Variants in GPR176 observed in about 807,000 individuals in gnomAD.
The protein encoded by GPR176 is G protein-coupled receptor 176.
A neutral mutation model predicts 35.4 loss-of-function variants in GPR176; 26 were observed. The ratio of observed to expected loss-of-function variants is 0.74; its 90% confidence interval spans 0.54 to 1.02. The LOEUF (loss-of-function observed/expected upper bound fraction) is 1.02, where lower values mean the gene tolerates loss of function less well. Ranked by LOEUF, GPR176 falls within the 50% of genes least tolerant of loss-of-function variation. The pLI, the probability that GPR176 is intolerant of heterozygous loss-of-function variation, is 0.00. For synonymous variants in GPR176, 278 were observed against 271.3 expected (o/e 1.02, Z -0.24); for missense variants, 597 against 665.3 (o/e 0.90, Z 1.13).
rs577470482 is a variant in GPR176, at chr15:39,818,779, C to G, written c.173-11521G>C. ...GTCATTCACGTCTCTCAACACACAG[C>G]AACATAGATACGGAGCCATAAAGTA... On this transcript the variant is annotated intron_variant, in intron 1 of 2. Coordinates refer to ENST00000561100, the MANE Select transcript of GPR176 (RefSeq NM_007223.3). Among the ~76,000 whole-genome samples the G allele has an allele frequency of 2.6e-5, 4 of 152,312 alleles. No individual in the cohort carries two copies. The South Asian group carries it at 8.3e-4, about 32-fold the overall frequency.
chr15:39,809,699 T>G (rs1899419031), intron 1 of GPR176, among the ~76,000 whole-genome samples: 1 of 152,140 alleles, frequency 6.6e-6, no homozygotes, highest in Admixed American at 6.5e-5. Flanking sequence ...GCCATTGCTG[T>G]GGACACAGCA....
At chr15:39,847,267 C>T (rs1240920457) in intron 1 of GPR176, among the ~76,000 whole-genome samples, 1 of 152,056 alleles carries the variant, frequency 6.6e-6, no homozygotes, top group Non-Finnish European at 1.5e-5. Flanking sequence ...GACTTAAGCC[C>T]TAACATATCA....
chr15:39,834,707 C>CT (rs1475071116), intron 1 of GPR176, among the ~76,000 whole-genome samples: 1 of 152,140 alleles, frequency 6.6e-6, no homozygotes, highest in African/African-American at 2.4e-5. Context: ...CATGTTCTCA[C>CT]TTTTTTGTGG....
At chr15:39,894,734 G>C (rs1375878918) in intron 1 of GPR176, among the ~76,000 whole-genome samples, 1 of 151,624 alleles carries the variant, frequency 6.6e-6, no homozygotes, top group Non-Finnish European at 1.5e-5. Context: ...TCACTTTCCA[G>C]ACTGGGCAGC....
chr15:39,864,513 A>G (rs1039592195), intron 1 of GPR176, among the ~76,000 whole-genome samples: 6 of 152,204 alleles, frequency 3.9e-5, no homozygotes, highest in Admixed American at 1.3e-4. Context: ...TAAAGACTTA[A>G]ACGTAAGACC....
rs561186567 is a variant in GPR176, at chr15:39,826,017, C to A, written c.173-18759G>T. On this transcript the variant is annotated intron_variant, in intron 1 of 2. Transcript: ENST00000561100. ...CAAGCAGATCCTCTTACCTCAGAGC[C>A]CTGTCTCTCACATCACATTCACTGC... 1.4e-4 allele frequency among the ~76,000 whole-genome samples: 22 copies of A among 152,230 alleles called. No individual in the cohort carries two copies. In the East Asian group the frequency reaches 4.2e-3, roughly 29 times the overall value.
chr15:39,846,027 C>G (rs946794940), intron 1 of GPR176, among the ~76,000 whole-genome samples: 1 of 152,216 alleles, frequency 6.6e-6, no homozygotes, highest in African/African-American at 2.4e-5. Context: ...TCAGTATAAT[C>G]AAAGCCACTG....
At chr15:39,845,293 G>A (rs1192073256) in intron 1 of GPR176, among the ~76,000 whole-genome samples, 5 of 151,952 alleles carry the variant, frequency 3.3e-5, no homozygotes, top group African/African-American at 4.8e-5. Flanking sequence ...AGAATCTAAA[G>A]CAGAAACACA....
intron 1 of GPR176, among the ~76,000 whole-genome samples, chr15:39,852,891 C>T (rs761955410): frequency 6.6e-6 from 1 of 152,034 alleles, no homozygotes; most frequent in Non-Finnish European, 1.5e-5. Flanking sequence ...AGGATAACTA[C>T]TATTAAAAAA....
chr15:39,806,182 A>C (rs1269818092), intron 2 of GPR176, among the ~76,000 whole-genome samples: 6 of 152,372 alleles, frequency 3.9e-5, no homozygotes, highest in Non-Finnish European at 7.3e-5. Context: ...AAATTTTAAC[A>C]TAGGGCATAA....
chr15:39,802,309 G>A (rs1022878988), intron 2 of GPR176, 55 bp from the exon 3 acceptor site: 1 of 1,374,972 alleles, frequency 7.3e-7, no homozygotes, highest in Non-Finnish European at 9.9e-7. Flanking sequence ...TAAATTAGGG[G>A]AACCTAAATC....
At chr15:39,826,596 C>T (rs1307008343) in intron 1 of GPR176, among the ~76,000 whole-genome samples, 1 of 152,240 alleles carries the variant, frequency 6.6e-6, no homozygotes, top group African/African-American at 2.4e-5. Context: ...TGTGAACACA[C>T]ATTAGCTATT....
chr15:39,838,656 T>A (rs965860883), intron 1 of GPR176, among the ~76,000 whole-genome samples: 5 of 152,142 alleles, frequency 3.3e-5, no homozygotes, highest in African/African-American at 1.2e-4. Context: ...AAACTCTGAA[T>A]AAACTAGGTA....
chr15:39,803,670 C>T (rs1899026323), intron 2 of GPR176, among the ~76,000 whole-genome samples: 1 of 152,106 alleles, frequency 6.6e-6, no homozygotes, highest in Non-Finnish European at 1.5e-5. Context: ...AGGAATGTCT[C>T]TAAACCCAAC....
chr15:39,825,051 A>G (rs1293670012), intron 1 of GPR176, among the ~76,000 whole-genome samples: 2 of 152,144 alleles, frequency 1.3e-5, no homozygotes, highest in African/African-American at 4.8e-5. Context: ...TAAAAAATAA[A>G]GAAAAATTAT....
At chr15:39,895,312 GGCGA>G (rs2033080539) in intron 1 of GPR176, among the ~76,000 whole-genome samples, 1 of 142,508 alleles carries the variant, frequency 7.0e-6, no homozygotes, top group Non-Finnish European at 1.5e-5. Context: ...GGAGGGGGAG[GGCGA>G]TCTCTAACTC....
In GPR176 at chr15:39,807,060, T is replaced by C; in HGVS notation, c.371A>G (p.His124Arg). The change falls in exon 2 of 3, where the codon CAC (histidine) becomes CGC (arginine). Residue 124 changes from histidine to arginine, a missense_variant. Physicochemically the swap from His to Arg is conservative, Grantham distance 29 (BLOSUM62 0). Transcript: ENST00000561100. ...GATGGTCACAGAGCAGAATACTTTGTGCAAAAATTTGACGACCTTGCAGAA... is the reference window on the plus strand; with the variant it reads ...GATGGTCACAGAGCAGAATACTTTGCGCAAAAATTTGACGACCTTGCAGAA... ...MLFCKVVKFL[H>R]KVFCSVTILS... is the part of the protein sequence containing the mutation. The C allele has an allele frequency of 6.2e-7, 1 of 1,613,908 alleles. No individual in the cohort carries two copies. The highest frequency in any genetic ancestry group is 8.5e-7 in the Non-Finnish European group (1 of 1,179,812).
At chr15:39,914,161 G>C (rs1032491627) in intron 1 of GPR176, among the ~76,000 whole-genome samples, 2 of 152,004 alleles carry the variant, frequency 1.3e-5, no homozygotes, top group Non-Finnish European at 2.9e-5. Flanking sequence ...TTTCACCAGA[G>C]AATTTAATTT....
At chr15:39,882,332 C>T (rs1386221043) in intron 1 of GPR176, among the ~76,000 whole-genome samples, 1 of 152,170 alleles carries the variant, frequency 6.6e-6, no homozygotes, top group Non-Finnish European at 1.5e-5. Context: ...GAATTACAAT[C>T]ACATATGTAC....
Sources: allele counts gnomAD v4.1 joint callset (sites outside exome capture counted in the v4.1 genomes callset), GRCh38; gene constraint gnomAD v4.1.1; transcripts MANE v1.5; gene names NCBI Gene and HGNC (gene_info 2026-07-23, HGNC 2026-07-21).